Variants in VKORC1L1 observed in about 807,000 individuals in gnomAD.
VKORC1L1 encodes vitamin K epoxide reductase complex subunit 1L1, also known as vitamin K epoxide reductase complex subunit 1-like protein 1.
In VKORC1L1, 2 loss-of-function variants were observed where a neutral mutation model predicts 18.9. That is an observed-to-expected ratio of 0.11 (90% CI 0.04 to 0.33). The LOEUF (loss-of-function observed/expected upper bound fraction) is 0.33. Ranked by LOEUF, VKORC1L1 falls within the 10% of genes least tolerant of loss-of-function variation. The pLI is 1.00. For missense variants in VKORC1L1, 123 were observed against 224.1 expected, an observed-to-expected ratio of 0.55 and a Z score of 2.88; for synonymous variants, 96 against 100.0, an observed-to-expected ratio of 0.96 and a Z score of 0.24.
At chr7:65,913,412 A>G (rs911193352) in intron 1 of VKORC1L1, among the ~76,000 whole-genome samples, 3 of 151,918 alleles carry the variant, frequency 2.0e-5, no homozygotes, top group Non-Finnish European at 4.4e-5. Flanking sequence ...CTTCACACAC[A>G]TATAATATTC....
chr7:65,886,232 A>C (rs371022100), intron 1 of VKORC1L1, among the ~76,000 whole-genome samples: 2 of 152,208 alleles, frequency 1.3e-5, no homozygotes, highest in African/African-American at 4.8e-5. Context: ...TCTTGTAATA[A>C]TCGGCAGTAT....
intron 1 of VKORC1L1, among the ~76,000 whole-genome samples, chr7:65,882,005 G>A (rs1183082553): frequency 6.6e-6 from 1 of 151,912 alleles, no homozygotes; most frequent in Non-Finnish European, 1.5e-5. Flanking sequence ...ACTTGAACCT[G>A]GGAGGCAGAG....
intron 1 of VKORC1L1, among the ~76,000 whole-genome samples, chr7:65,884,274 A>G (rs1332857457): frequency 1.3e-5 from 2 of 152,164 alleles, no homozygotes; most frequent in Non-Finnish European, 2.9e-5. Flanking sequence ...GCATAAAGGT[A>G]CTCATAAAAC....
intron 1 of VKORC1L1, among the ~76,000 whole-genome samples, chr7:65,929,367 G>T (rs1047389612): frequency 6.6e-6 from 1 of 152,038 alleles, no homozygotes; most frequent in Non-Finnish European, 1.5e-5. Flanking sequence ...AGCCGAGATC[G>T]CGCCACTGCA....
intron 1 of VKORC1L1, among the ~76,000 whole-genome samples, chr7:65,880,389 G>A (rs1172686696): frequency 6.6e-6 from 1 of 152,124 alleles, no homozygotes; most frequent in Non-Finnish European, 1.5e-5. Flanking sequence ...GCCTTCTAAG[G>A]TGTGAGGACG....
intron 2 of VKORC1L1, 42 bp downstream of exon 2, chr7:65,948,822 T>C (rs769523528): frequency 2.1e-5 from 24 of 1,146,074 alleles, no homozygotes; most frequent in African/African-American, 2.0e-4. Context: ...TTATATTCCG[T>C]TTAGTACTTT....
chr7:65,942,860 T>G (rs551734124), intron 1 of VKORC1L1, among the ~76,000 whole-genome samples: 2 of 152,208 alleles, frequency 1.3e-5, no homozygotes, highest in East Asian at 3.9e-4. Context: ...CAACTTGGTG[T>G]TGTGTTACTG....
chr7:65,943,307 T>G (rs2115714199), intron 1 of VKORC1L1, among the ~76,000 whole-genome samples: 1 of 152,328 alleles, frequency 6.6e-6, no homozygotes, highest in South Asian at 2.1e-4. Context: ...GGGTAAATAT[T>G]GAGAGAAACC....
At chr7:65,904,453 C>T (rs148880264) in intron 1 of VKORC1L1, among the ~76,000 whole-genome samples, 1 of 152,274 alleles carries the variant, frequency 6.6e-6, no homozygotes, top group Non-Finnish European at 1.5e-5. Context: ...CATCTGCCTG[C>T]CTCAGCCTCC....
At chr7:65,896,843 A>G (rs143244048) in intron 1 of VKORC1L1, among the ~76,000 whole-genome samples, 23 of 152,272 alleles carry the variant, frequency 1.5e-4, no homozygotes, top group African/African-American at 5.5e-4. Context: ...TATTAAAAAT[A>G]CAAAAATTAG....
At chr7:65,952,526 ATT>A (rs796718033) in intron 2 of VKORC1L1, among the ~76,000 whole-genome samples, 1 of 144,874 alleles carries the variant, frequency 6.9e-6, no homozygotes, top group Non-Finnish European at 1.5e-5. Flanking sequence ...TTCTTGTTGC[ATT>A]TTTTTTTTTG....
rs767678197 is a variant in VKORC1L1, at chr7:65,954,305, C to T, written c.*5C>T. The T allele has an allele frequency of 2.0e-5, 33 of 1,613,904 alleles. No individual in the cohort carries two copies. Among genetic ancestry groups the T allele is most frequent in the African/African-American group, 1.7e-4 (13 of 74,986 alleles). On this transcript the variant is annotated 3_prime_UTR_variant, in exon 3 of 3. Transcript: ENST00000360768. ...CTGCAACCCAAGCAGGACTGACGCCCGACAGACTCCACCCTAACAGTCTCA... is the reference window on the plus strand; with the variant it reads ...CTGCAACCCAAGCAGGACTGACGCCTGACAGACTCCACCCTAACAGTCTCA...
chr7:65,873,882 C>G (rs1788777884), intron 1 of VKORC1L1, among the ~76,000 whole-genome samples: 1 of 150,744 alleles, frequency 6.6e-6, no homozygotes, highest in Admixed American at 6.6e-5. Context: ...TGTGCAGGAG[C>G]GCGAGGGGGC....
At chr7:65,883,136 CTTTTT>C (rs34906605) in intron 1 of VKORC1L1, among the ~76,000 whole-genome samples, 2 of 109,588 alleles carry the variant, frequency 1.8e-5, no homozygotes, top group Non-Finnish European at 3.6e-5. Context: ...TACATTTGAG[CTTTTT>C]TTTTTTTTTT....
intron 1 of VKORC1L1, among the ~76,000 whole-genome samples, chr7:65,904,804 AATTC>A (rs1789377794): frequency 6.6e-6 from 1 of 152,190 alleles, no homozygotes; most frequent in African/African-American, 2.4e-5. Context: ...GGTCTTGAAA[AATTC>A]ATTCAGGTTA....
chr7:65,873,092 C>T lies in VKORC1L1; in HGVS notation c.-280C>T, dbSNP rs1441804906. On this transcript the variant is annotated 5_prime_UTR_variant, in exon 1 of 3. Coordinates refer to ENST00000360768, the MANE Select transcript of VKORC1L1 (RefSeq NM_173517.6). ...CCGCCTCAGTCTCCGCCCGCCGATC[C>T]GGCCTCTTCGGCCGTTGCGCACTCC... Among the ~76,000 whole-genome samples the T allele has an allele frequency of 3.3e-5, 5 of 149,446 alleles. No homozygotes were observed. Among genetic ancestry groups the T allele is most frequent in the East Asian group, 4.0e-4 (2 of 5,056 alleles).
At chr7:65,899,066 A>T (rs766118360) in intron 1 of VKORC1L1, among the ~76,000 whole-genome samples, 1 of 152,244 alleles carries the variant, frequency 6.6e-6, no homozygotes, top group Non-Finnish European at 1.5e-5. Context: ...AGAGCTGATT[A>T]ATTACATGGT....
chr7:65,882,259 A>G lies in VKORC1L1; in HGVS notation c.194+8694A>G, dbSNP rs151159393. 9.7e-3 allele frequency among the ~76,000 whole-genome samples: 1,456 copies of G among 149,364 alleles called. 29 individuals carry two copies. The highest frequency in any genetic ancestry group is 0.034 in the African/African-American group (1,358 of 40,474). ...TCGGGCATGGTGGTGCATGCCTGTA[A>G]TCTCAGCTACTCGGGAGGCTGAGAC... On this transcript the variant is annotated intron_variant, in intron 1 of 2. Coordinates refer to ENST00000360768, the MANE Select transcript of VKORC1L1 (RefSeq NM_173517.6).
rs1261021546 is a variant in VKORC1L1, at chr7:65,948,785, GTATT to G, written c.304+9_304+12del. 1.5e-5 allele frequency: 11 copies of G among 733,682 alleles called. No individual in the cohort carries two copies. Among genetic ancestry groups the G allele is most frequent in the Non-Finnish European group, 2.0e-5 (9 of 444,364 alleles). 45.4% of individuals were successfully genotyped at this position (733,682 alleles called of 1,614,324 possible). On this transcript the variant is annotated splice_donor_region_variant and intron_variant, in intron 2 of 2. Transcript: ENST00000360768. ...ATATACTACAGTTATTACTTGGTAA[GTATT>G]TATCAATACAAAAATAAGTTTGTTA...
Sources: gnomAD v4.1 joint callset for allele counts (sites outside exome capture counted in the v4.1 genomes callset) on GRCh38, gnomAD v4.1.1 for gene constraint, MANE v1.5 for transcripts, NCBI Gene and HGNC (gene_info 2026-07-23, HGNC 2026-07-21) for gene names.